Variants in TEX26 observed in about 807,000 individuals in gnomAD.
TEX26 encodes the protein testis expressed 26.
A neutral mutation model predicts 35.3 loss-of-function variants in TEX26; 34 were observed. The ratio of observed to expected loss-of-function variants is 0.96; its 90% CI spans 0.73 to 1.28. The LOEUF (loss-of-function observed/expected upper bound fraction) is 1.28. Ranked by LOEUF, TEX26 falls within the 50% of genes most tolerant of loss-of-function variation. TEX26 has a pLI of 0.00. For synonymous variants in TEX26, 136 were observed against 111.8 expected (o/e 1.22, Z -1.36); for missense variants, 371 against 330.1 (o/e 1.12, Z -0.96).
chr13:30,952,379 A>G (rs553487538), intron 2 of TEX26, among the ~76,000 whole-genome samples: 2 of 152,234 alleles, frequency 1.3e-5, no homozygotes, highest in Admixed American at 6.5e-5. Flanking sequence ...TGCCATTTGT[A>G]TTGGAGAGTG....
chr13:30,970,852 G>A (rs1954689816), intron 6 of TEX26, among the ~76,000 whole-genome samples: 1 of 152,200 alleles, frequency 6.6e-6, no homozygotes, highest in Non-Finnish European at 1.5e-5. Flanking sequence ...ACTGGGGTAA[G>A]CTGATCTTTC....
rs114760984 is a variant in TEX26 at position 30,964,407 on chromosome 13, C to A, written c.470-1815C>A. Among the ~76,000 whole-genome samples the A allele has an allele frequency of 4.8e-3, 737 of 152,266 alleles. 6 individuals are homozygous for A. Among genetic ancestry groups the A allele is most frequent in the African/African-American group, 0.017 (713 of 41,548 alleles). ...CCCTACCTGTTTGTTCTGTAGATAT[C>A]TTTGTATTCACGCTAATTGTCTTAA... On this transcript the variant is annotated intron_variant, in intron 4 of 6. Coordinates refer to ENST00000380473, the MANE Select transcript of TEX26 (RefSeq NM_152325.3).
chr13:30,936,706 G>A (rs1305282512), intron 1 of TEX26: 3 of 985,378 alleles, frequency 3.0e-6, no homozygotes, highest in Non-Finnish European at 3.6e-6. Context: ...CACAGGGCTG[G>A]GTCCACGGGA....
intron 5 of TEX26, among the ~76,000 whole-genome samples, chr13:30,967,931 C>A (rs1293308144): frequency 6.6e-6 from 1 of 152,100 alleles, no homozygotes; most frequent in Non-Finnish European, 1.5e-5. Flanking sequence ...TGCCTAGGTC[C>A]CTGGAAGGAA....
intron 2 of TEX26, among the ~76,000 whole-genome samples, chr13:30,942,423 T>C (rs1028025506): frequency 2.6e-5 from 4 of 152,200 alleles, no homozygotes; most frequent in Admixed American, 2.6e-4. Flanking sequence ...GTTAGTCCTT[T>C]GTTAGCTTCA....
intron 4 of TEX26, among the ~76,000 whole-genome samples, chr13:30,959,359 T>G (rs1954253641): frequency 6.6e-6 from 1 of 152,234 alleles, no homozygotes; most frequent in Non-Finnish European, 1.5e-5. Context: ...CTTCTACTGC[T>G]CCTCTTCATT....
rs146034223 is a variant in TEX26 at position 30,961,891 on chromosome 13, G to A, written c.470-4331G>A. ...ACTCCTTCTCTCTGGTGATTTTTCT[G>A]TTTGGCCTCTAACTGTTAGAGTTTC... is the stretch of plus-strand genomic sequence containing the variant. On this transcript the variant is annotated intron_variant, in intron 4 of 6. Transcript: ENST00000380473. Among the ~76,000 whole-genome samples, 42 of 152,186 alleles carry A rather than the reference G, an allele frequency of 2.8e-4. No homozygotes were observed. In the East Asian group the frequency reaches 7.5e-3, roughly 27 times the overall value.
chr13:30,957,179 T>C, intron 4 of TEX26, 150 bp downstream of exon 4: 2 of 760,024 alleles, frequency 2.6e-6, no homozygotes, highest in Admixed American at 2.9e-5. Flanking sequence ...CCATCAAGTA[T>C]AAAAAGGTGC....
At chr13:30,933,531 A>G (rs1953152928) in intron 1 of TEX26, 1 of 152,216 alleles carries the variant, frequency 6.6e-6, no homozygotes, top group Non-Finnish European at 1.5e-5. Flanking sequence ...GGTAACTGTG[A>G]TTCCACAGTG....
chr13:30,937,220 T>C (rs949055724), intron 1 of TEX26, among the ~76,000 whole-genome samples: 18 of 152,040 alleles, frequency 1.2e-4, no homozygotes, highest in Admixed American at 4.6e-4. Flanking sequence ...CACCTGGCAA[T>C]TGGTGACCCC....
intron 4 of TEX26, among the ~76,000 whole-genome samples, chr13:30,958,387 G>A (rs1350876852): frequency 6.6e-6 from 1 of 152,210 alleles, no homozygotes; most frequent in African/African-American, 2.4e-5. Flanking sequence ...TACTGAGAAA[G>A]CCACACACGC....
In TEX26 at chr13:30,966,213, C is replaced by T. The variant is rs1407304483; in HGVS notation, c.470-9C>T. On this transcript the variant is annotated splice_polypyrimidine_tract_variant and intron_variant, in intron 4 of 6. Coordinates refer to ENST00000380473, the MANE Select transcript of TEX26 (RefSeq NM_152325.3). ...GTAAGTATTGCCTTCCATTTCCATT[C>T]CACCCCAGCTCAGAAGATTAAGAAA... 6.2e-7 allele frequency: 1 copy of T among 1,613,812 alleles called. No homozygotes were observed. The highest frequency in any genetic ancestry group is 1.3e-5 in the African/African-American group (1 of 75,002).
chr13:30,945,442 T>C (rs1279266694), intron 2 of TEX26, among the ~76,000 whole-genome samples: 3 of 151,938 alleles, frequency 2.0e-5, no homozygotes, highest in Non-Finnish European at 2.9e-5. Flanking sequence ...TTAGGCCATT[T>C]ATGTTCAATG....
rs540677385 is a variant in TEX26, at chr13:30,940,201, G to A, written c.146+423G>A. 3.7e-3 allele frequency among the ~76,000 whole-genome samples: 557 copies of A among 151,978 alleles called. 5 individuals are homozygous for A. Among genetic ancestry groups the A allele is most frequent in the African/African-American group, 0.013 (536 of 41,422 alleles). ...TCACCAAGACTAGTCTTGGAAGATG[G>A]AAGAAGGCCACTGTCCCCCTCTTCT... On this transcript the variant is annotated intron_variant, in intron 2 of 6. Coordinates refer to ENST00000380473, the MANE Select transcript of TEX26 (RefSeq NM_152325.3).
chr13:30,955,668 C>T (rs192982758), intron 3 of TEX26, among the ~76,000 whole-genome samples: 35 of 152,294 alleles, frequency 2.3e-4, no homozygotes, highest in African/African-American at 7.5e-4. Context: ...GAGAAATAAA[C>T]GCATTCTTTG....
chr13:30,944,866 TG>T (rs1206454682), intron 2 of TEX26, among the ~76,000 whole-genome samples: 1 of 152,080 alleles, frequency 6.6e-6, no homozygotes, highest in Non-Finnish European at 1.5e-5. Context: ...GCCTATTGTA[TG>T]GTCTATATTG....
intron 2 of TEX26, among the ~76,000 whole-genome samples, chr13:30,949,311 T>C (rs1196196034): frequency 2.0e-5 from 3 of 152,204 alleles, no homozygotes; most frequent in African/African-American, 4.8e-5. Flanking sequence ...GCTTTTATCA[T>C]ATTTTGAATA....
chr13:30,941,181 C>T (rs1953495055), intron 2 of TEX26, among the ~76,000 whole-genome samples: 1 of 152,154 alleles, frequency 6.6e-6, no homozygotes, highest in Non-Finnish European at 1.5e-5. Context: ...AGCACTAGGA[C>T]AGTGACTAAC....
At chr13:30,958,962 C>A (rs979391994) in intron 4 of TEX26, among the ~76,000 whole-genome samples, 1 of 152,088 alleles carries the variant, frequency 6.6e-6, no homozygotes, top group Non-Finnish European at 1.5e-5. Context: ...AAGTTATTAC[C>A]GCCAATCAAA....
Sources: allele counts gnomAD v4.1 joint callset (sites outside exome capture counted in the v4.1 genomes callset), GRCh38; gene constraint gnomAD v4.1.1; transcripts MANE v1.5; gene names NCBI Gene and HGNC (gene_info 2026-07-23, HGNC 2026-07-21).